Variants in NEDD4 observed in about 807,000 individuals in gnomAD.
NEDD4 encodes the protein NEDD4 E3 ubiquitin protein ligase.
In NEDD4, 99 loss-of-function variants were observed where a neutral mutation model predicts 144.9. The ratio of observed to expected loss-of-function variants is 0.68; its 90% CI spans 0.58 to 0.81. The LOEUF (loss-of-function observed/expected upper bound fraction) is 0.81. Ranked by LOEUF, NEDD4 falls within the 30% of genes least tolerant of loss-of-function variation. The pLI, the probability that NEDD4 is intolerant of heterozygous loss-of-function variation, is 0.00. For missense variants in NEDD4, 985 were observed against 1,065.9 expected (o/e 0.92, Z 1.06); for synonymous variants, 318 against 350.6 (o/e 0.91, Z 1.04).
At chr15:55,878,723 G>A (rs1414917902) in intron 5 of NEDD4, among the ~76,000 whole-genome samples, 1 of 152,216 alleles carries the variant, frequency 6.6e-6, no homozygotes, top group Non-Finnish European at 1.5e-5. Context: ...AAATAAAACT[G>A]TGGGATATAC....
At chr15:55,954,665 C>T (rs1303225861) in intron 2 of NEDD4, among the ~76,000 whole-genome samples, 2 of 152,076 alleles carry the variant, frequency 1.3e-5, no homozygotes. Context: ...GCTGGGATTA[C>T]AGGCATGCAT....
intron 5 of NEDD4, chr15:55,905,327 A>C (rs1272574807): frequency 2.2e-6 from 1 of 454,184 alleles, no homozygotes; most frequent in Non-Finnish European, 4.4e-6. Flanking sequence ...TCTCTGGAGA[A>C]ACAAATTGAC....
intron 5 of NEDD4, among the ~76,000 whole-genome samples, chr15:55,903,841 C>A (rs146795229): frequency 2.0e-3 from 68 of 33,978 alleles, no homozygotes; most frequent in Middle Eastern, 0.022. Flanking sequence ...AAAAAAAAAA[C>A]ACACATATAT....
At chr15:55,893,689 T>C (rs1481290893) in intron 5 of NEDD4, among the ~76,000 whole-genome samples, 1 of 151,242 alleles carries the variant, frequency 6.6e-6, no homozygotes, top group African/African-American at 2.4e-5. Context: ...AGACCTTTTA[T>C]AGTATTTTAA....
chr15:55,959,455 A>T (rs190558904), intron 2 of NEDD4, among the ~76,000 whole-genome samples: 70 of 152,304 alleles, frequency 4.6e-4, no homozygotes, highest in Admixed American at 7.2e-4. Context: ...TGTGCATTTC[A>T]AAAGAATGTG....
In NEDD4 at chr15:55,971,624, C is replaced by CAAAAAAAA. The variant is rs59537454; in HGVS notation, c.46-5086_46-5079dup. On this transcript the variant is annotated intron_variant, in intron 1 of 28. Coordinates refer to ENST00000435532, the MANE Select transcript of NEDD4 (RefSeq NM_006154.4). ...TGGGCAACACGGTGAGACTCTGTCTCAAAAAAAAAAAAAAGACTTATTAGC... is the reference window on the plus strand; with the variant it reads ...TGGGCAACACGGTGAGACTCTGTCTCAAAAAAAAAAAAAAAAAAAAAAGACTTATTAGC... Among the ~76,000 whole-genome samples the CAAAAAAAA allele has an allele frequency of 1.1e-3, 133 of 124,584 alleles. 3 individuals carry two copies. Among genetic ancestry groups the CAAAAAAAA allele is most frequent in the Middle Eastern group, 4.3e-3 (1 of 234 alleles). The allele number at this position is 124,584 out of a possible 152,430, so 81.7% of individuals were successfully genotyped here.
At chr15:55,851,563 G>A (rs1055305084) in intron 13 of NEDD4, among the ~76,000 whole-genome samples, 1 of 151,382 alleles carries the variant, frequency 6.6e-6, no homozygotes, top group East Asian at 1.9e-4. Context: ...CGCAACCTCC[G>A]CCTCCCAGGT....
At chr15:55,876,542 T>A (rs2142077383) in intron 5 of NEDD4, among the ~76,000 whole-genome samples, 1 of 152,302 alleles carries the variant, frequency 6.6e-6, no homozygotes, top group Admixed American at 6.5e-5. Context: ...TAAAGTGGTA[T>A]GATTGACATA....
At chr15:55,877,569 G>T (rs1433703508) in intron 5 of NEDD4, among the ~76,000 whole-genome samples, 1 of 152,124 alleles carries the variant, frequency 6.6e-6, no homozygotes, top group Non-Finnish European at 1.5e-5. Flanking sequence ...AGCCTTTGAG[G>T]TTATGTAAAT....
At chr15:55,842,773 C>A (rs762325483) in intron 18 of NEDD4, among the ~76,000 whole-genome samples, 1 of 152,198 alleles carries the variant, frequency 6.6e-6, no homozygotes, top group Non-Finnish European at 1.5e-5. Context: ...GTTCTGTGAC[C>A]TGTAGGATAG....
chr15:55,939,816 A>T (rs1389989167), intron 4 of NEDD4, among the ~76,000 whole-genome samples: 1 of 152,194 alleles, frequency 6.6e-6, no homozygotes, highest in Non-Finnish European at 1.5e-5. Flanking sequence ...AGGTTCCCCA[A>T]AAAATTAAAA....
intron 5 of NEDD4, chr15:55,915,425 T>A (rs748247615): frequency 6.2e-7 from 1 of 1,613,772 alleles, no homozygotes; most frequent in South Asian, 1.1e-5. Flanking sequence ...TAAGGCTGGA[T>A]AGACAGGAAA....
chr15:55,860,378 A>G (rs1185593419), intron 11 of NEDD4, 29 bp downstream of exon 11: 2 of 1,610,114 alleles, frequency 1.2e-6, no homozygotes, highest in Non-Finnish European at 1.7e-6. Context: ...AAACTACTGA[A>G]GCCGTAACAA....
intron 5 of NEDD4, among the ~76,000 whole-genome samples, chr15:55,876,279 G>A (rs889815957): frequency 3.3e-5 from 5 of 152,014 alleles, no homozygotes; most frequent in African/African-American, 1.2e-4. Flanking sequence ...CTGAGGATAA[G>A]TGGCACCAGA....
In NEDD4 at chr15:55,848,874, A is replaced by C; in HGVS notation, c.1360T>G (p.Leu454Val). Residue 454 changes from leucine (L) to valine (V), a missense_variant, in exon 15 of 29, where the codon TTG (leucine) becomes GTG (valine). Physicochemically the swap from Leu to Val is conservative, Grantham distance 32. Coordinates refer to ENST00000435532, the MANE Select transcript of NEDD4 (RefSeq NM_006154.4). The stretch of plus-strand genomic sequence containing the variant: ...CCTCTCAGATGGGCTGGAATTTTCA[A>C]TCTTGGATCTTCCTTTTTTGGTAGA... ...TKTTTWEDPR[L>V]KIPAHLRGKT... 1 of 1,613,502 alleles carries C rather than the reference A, an allele frequency of 6.2e-7. No homozygotes were observed. Among genetic ancestry groups the C allele is most frequent in the Non-Finnish European group, 8.5e-7 (1 of 1,179,550 alleles).
intron 4 of NEDD4, among the ~76,000 whole-genome samples, chr15:55,946,870 A>G (rs1318411092): frequency 1.3e-5 from 2 of 152,238 alleles, no homozygotes; most frequent in Non-Finnish European, 2.9e-5. Flanking sequence ...AAACTGCTCA[A>G]CTACATAGAA....
chr15:55,924,597 C>G (rs201395884), intron 5 of NEDD4, 49 bp downstream of exon 5: 2 of 1,528,812 alleles, frequency 1.3e-6, no homozygotes, highest in Non-Finnish European at 1.8e-6. Flanking sequence ...GGCTGCTCCA[C>G]TGAAATGTAC....
intron 5 of NEDD4, among the ~76,000 whole-genome samples, chr15:55,885,829 G>T (rs1466935370): frequency 2.0e-5 from 3 of 151,872 alleles, no homozygotes; most frequent in Admixed American, 6.6e-5. Context: ...CAAAATGGCA[G>T]GGGTAAGTCT....
At chr15:55,833,407 C>T (rs1440873516) in intron 26 of NEDD4, among the ~76,000 whole-genome samples, 1 of 152,036 alleles carries the variant, frequency 6.6e-6, no homozygotes, top group African/African-American at 2.4e-5. Context: ...CCTATAATCC[C>T]AGCACTCTGG....
Sources: allele counts gnomAD v4.1 joint callset (sites outside exome capture counted in the v4.1 genomes callset), GRCh38; gene constraint gnomAD v4.1.1; transcripts MANE v1.5; gene names NCBI Gene and HGNC (gene_info 2026-07-23, HGNC 2026-07-21).